Variants in RNF144B observed in about 807,000 individuals in gnomAD.
RNF144B encodes the protein E3 ubiquitin-protein ligase RNF144B.
In RNF144B, 25 loss-of-function variants were observed where a neutral mutation model predicts 40.2. The observed-to-expected ratio is 0.62, with a 90% CI of 0.45 to 0.87. The LOEUF is 0.87. Among genes scored for constraint, RNF144B ranks in the 40% least tolerant of loss-of-function variants. The probability of loss-of-function intolerance (pLI) is 0.00; values close to 1 mark genes in which losing one functional copy is unlikely to be tolerated. For synonymous variants in RNF144B, 145 were observed against 136.3 expected (o/e 1.06, Z -0.44); for missense variants, 365 against 373.7 (o/e 0.98, Z 0.19).
rs56877936 is a variant in RNF144B, at chr6:18,395,578, C to CTT, written c.-36-3910_-36-3909dup. Among the ~76,000 whole-genome samples the CTT allele has an allele frequency of 2.2e-3, 331 of 148,230 alleles. No individual in the cohort carries two copies. The highest frequency in any genetic ancestry group is 8.6e-3 in the South Asian group (40 of 4,666). ...GTGAAAGGATTTCTTGTTTGATATTCTTTTTTTTTTTTAAATGAAGTGCTC... is the reference window on the plus strand; with the variant it reads ...GTGAAAGGATTTCTTGTTTGATATTCTTTTTTTTTTTTTTAAATGAAGTGCTC... On this transcript the variant is annotated intron_variant, in intron 1 of 7. Coordinates refer to ENST00000259939, the MANE Select transcript of RNF144B (RefSeq NM_182757.4). The surrounding 1 kb of genome is among the most constrained non-coding windows in gnomAD (Gnocchi z 4.5).
chr6:18,393,060 G>A (rs1343037405), intron 1 of RNF144B, among the ~76,000 whole-genome samples: 1 of 150,376 alleles, frequency 6.6e-6, no homozygotes, highest in South Asian at 2.1e-4. Flanking sequence ...GGCAGAGCTT[G>A]CAGCGAGCCG....
rs372395287 is a variant in RNF144B, at chr6:18,438,622, T to C, written c.271-1062T>C. 3.4e-4 allele frequency among the ~76,000 whole-genome samples: 52 copies of C among 152,294 alleles called. No individual in the cohort carries two copies. In the South Asian group the frequency reaches 7.5e-3, roughly 22 times the overall value. ...AAAGGATTAGATTTTGAATGCATTA[T>C]AAAAGGTATAATATTTGTTAAATAC... On this transcript the variant is annotated intron_variant, in intron 3 of 7. Coordinates refer to ENST00000259939, the MANE Select transcript of RNF144B (RefSeq NM_182757.4).
chr6:18,387,674 C>G, intron 1 of RNF144B, 44 bp downstream of exon 1: 1 of 1,281,010 alleles, frequency 7.8e-7, no homozygotes. Context: ...GTTGCAAGAC[C>G]GGAATGGTGT....
chr6:18,428,748 C>T (rs1283665966), intron 3 of RNF144B, among the ~76,000 whole-genome samples: 1 of 152,194 alleles, frequency 6.6e-6, no homozygotes, highest in Non-Finnish European at 1.5e-5. Context: ...ATCCTCTCAA[C>T]AGACCTCATG....
intron 6 of RNF144B, among the ~76,000 whole-genome samples, chr6:18,461,803 G>T (rs1759461938): frequency 6.8e-6 from 1 of 146,082 alleles, no homozygotes; most frequent in Non-Finnish European, 1.5e-5. Context: ...TCTGTTTATA[G>T]GAAAGTTTGA....
chr6:18,438,057 G>A (rs933642933), intron 3 of RNF144B, among the ~76,000 whole-genome samples: 6 of 152,130 alleles, frequency 3.9e-5, no homozygotes, highest in African/African-American at 1.4e-4. Context: ...GGTCTCTTGG[G>A]CCCAGATGGT....
intron 2 of RNF144B, among the ~76,000 whole-genome samples, chr6:18,421,271 T>TACACACACACAC (rs200527921): frequency 5.1e-4 from 67 of 131,008 alleles, no homozygotes; most frequent in Middle Eastern, 4.1e-3. Flanking sequence ...AATTATATAT[T>TACACACACACAC]ATACACACAC....
chr6:18,452,662 C>T (rs935732914), intron 4 of RNF144B, among the ~76,000 whole-genome samples: 2 of 151,928 alleles, frequency 1.3e-5, no homozygotes, highest in Non-Finnish European at 2.9e-5. Context: ...AAAAAAATTT[C>T]AAGTTTAGAG....
In RNF144B at chr6:18,421,489, A is replaced by C. The variant is rs190382445; in HGVS notation, c.166-6092A>C. 3.2e-4 allele frequency among the ~76,000 whole-genome samples: 49 copies of C among 152,062 alleles called. 1 individual carries two copies. The highest frequency in any genetic ancestry group is 1.1e-3 in the African/African-American group (47 of 41,488). On this transcript the variant is annotated intron_variant, in intron 2 of 7. Coordinates refer to ENST00000259939, the MANE Select transcript of RNF144B (RefSeq NM_182757.4). ...ACCTTTCTCTGTTGGAATCACTAAA[A>C]ATTTTGACGTGTTCAGCATTCACTG...
chr6:18,426,512 A>G (rs1758558045), intron 2 of RNF144B, among the ~76,000 whole-genome samples: 1 of 152,156 alleles, frequency 6.6e-6, no homozygotes. Flanking sequence ...TCCCTCTCTT[A>G]ACTTTTCAGT....
Position 18,465,122 on chromosome 6 carries a change from A to G in RNF144B, c.*55A>G, listed in dbSNP as rs1759549807. The G allele has an allele frequency of 1.9e-6, 3 of 1,581,466 alleles. No individual in the cohort carries two copies. In the South Asian group the frequency reaches 3.4e-5, roughly 18 times the overall value. ...GTGAGTTACATGAGATGGCACAGTGATAAAGCCCCATTTAGTGACCTTGCC... is the reference window on the plus strand; with the variant it reads ...GTGAGTTACATGAGATGGCACAGTGGTAAAGCCCCATTTAGTGACCTTGCC... On this transcript the variant is annotated 3_prime_UTR_variant, in exon 8 of 8. Transcript: ENST00000259939.
rs996340063 is a variant in RNF144B at position 18,460,100 on chromosome 6, A to G, written c.681+349A>G. ...TGGCTTAAAATACCACAAACTTATT[A>G]TCCCACAGTTCTTCACTTTGGAAGT... On this transcript the variant is annotated intron_variant, in intron 6 of 7. Coordinates refer to ENST00000259939, the MANE Select transcript of RNF144B (RefSeq NM_182757.4). This position sits in a 1 kb window ranked among gnomAD's most constrained non-coding sequence, Gnocchi z 4.4. Among the ~76,000 whole-genome samples the G allele has an allele frequency of 2.0e-5, 3 of 152,212 alleles. No individual in the cohort carries two copies. Among genetic ancestry groups the G allele is most frequent in the African/African-American group, 7.2e-5 (3 of 41,462 alleles).
At position 18,422,951 on chromosome 6, in the gene RNF144B, CA is replaced by C. The variant is rs58597328; in HGVS notation, c.166-4615del. 0.37 allele frequency among the ~76,000 whole-genome samples: 52,608 copies of C among 143,676 alleles called. 9,248 individuals carry two copies. The highest frequency in any genetic ancestry group is 0.45 in the Admixed American group (6,455 of 14,494). The allele number at this position is 143,676 out of a possible 152,430, so 94.3% of individuals were successfully genotyped here. A position where few individuals can be genotyped will look rare whatever the true frequency, so the allele number is the denominator to read the frequency against. On this transcript the variant is annotated intron_variant, in intron 2 of 7. Coordinates refer to ENST00000259939, the MANE Select transcript of RNF144B (RefSeq NM_182757.4). This position sits in a 1 kb window ranked among gnomAD's most constrained non-coding sequence, Gnocchi z 4.7. ...TGGGCAACAGAGCAAGACCCAGTCT[CA>C]AAAAAAAAAAAAAATCAACTAATGG...
chr6:18,393,595 T>C (rs1794630120), intron 1 of RNF144B, among the ~76,000 whole-genome samples: 1 of 152,218 alleles, frequency 6.6e-6, no homozygotes, highest in African/African-American at 2.4e-5. Context: ...ATCAACATAA[T>C]GCTGATTTTC....
rs35376207 is a variant in RNF144B at position 18,447,624 on chromosome 6, G to T, written c.331+7880G>T. On this transcript the variant is annotated intron_variant, in intron 4 of 7. Transcript: ENST00000259939. The surrounding 1 kb of genome is among the most constrained non-coding windows in gnomAD (Gnocchi z 5.6). ...TCCAAAACAGTACAGTAGATTATAT[G>T]TTAAAAGCAGAAGCATTGAAAATGC... is the stretch of plus-strand genomic sequence containing the variant. Among the ~76,000 whole-genome samples the T allele has an allele frequency of 0.12, 18,282 of 152,172 alleles. 1,314 individuals are homozygous for T. The highest frequency in any genetic ancestry group is 0.19 in the Admixed American group (2,924 of 15,268).
chr6:18,390,091 G>A (rs758050452), intron 1 of RNF144B, among the ~76,000 whole-genome samples: 2 of 152,174 alleles, frequency 1.3e-5, no homozygotes, highest in Non-Finnish European at 2.9e-5. Context: ...TTCTCATAAG[G>A]TCAGAAGTGA....
At chr6:18,393,823 C>T (rs1794636062) in intron 1 of RNF144B, among the ~76,000 whole-genome samples, 1 of 152,122 alleles carries the variant, frequency 6.6e-6, no homozygotes, top group Non-Finnish European at 1.5e-5. Context: ...CCTTTGCTAC[C>T]TCCCTCCCAT....
rs1758992081 is a variant in RNF144B, at chr6:18,442,756, C to T, written c.331+3012C>T. ...CTCTAATCCACTTTCTCTTATTTGC[C>T]TAGCCTAGATATTTCATATGAGTGG... is the stretch of plus-strand genomic sequence containing the variant. On this transcript the variant is annotated intron_variant, in intron 4 of 7. Transcript: ENST00000259939. The surrounding 1 kb of genome is among the most constrained non-coding windows in gnomAD (Gnocchi z 4.3). Among the ~76,000 whole-genome samples the T allele has an allele frequency of 6.6e-6, 1 of 152,170 alleles. No homozygotes were observed. The highest frequency in any genetic ancestry group is 2.1e-4 in the South Asian group (1 of 4,834).
chr6:18,401,251 A>C (rs189004750), intron 2 of RNF144B, among the ~76,000 whole-genome samples: 45 of 152,334 alleles, frequency 3.0e-4, no homozygotes, highest in African/African-American at 1.1e-3. Flanking sequence ...TCAGGGAGCT[A>C]ACACTGTCCT....
Sources: allele counts gnomAD v4.1 joint callset (sites outside exome capture counted in the v4.1 genomes callset), GRCh38; gene constraint gnomAD v4.1.1; non-coding constraint Gnocchi (gnomAD v3.1); transcripts MANE v1.5; gene names NCBI Gene and HGNC (gene_info 2026-07-23, HGNC 2026-07-21).